PDE1C: variants seen among roughly 807,000 people sequenced by gnomAD.
PDE1C encodes the protein phosphodiesterase 1C.
In PDE1C, 62 loss-of-function variants were observed where a neutral mutation model predicts 93.1. The ratio of observed to expected loss-of-function variants is 0.67; its 90% CI spans 0.54 to 0.82. The LOEUF (loss-of-function observed/expected upper bound fraction) is 0.82. Ranked by LOEUF, PDE1C falls within the 40% of genes least tolerant of loss-of-function variation. PDE1C has a pLI of 0.00. For synonymous variants in PDE1C, 325 were observed against 310.1 expected (o/e 1.05, Z -0.50); for missense variants, 742 against 884.6 (o/e 0.84, Z 2.04).
At chr7:31,652,936 A>G in the PDE1C span, 2 of 1,511,512 alleles carry the variant, frequency 1.3e-6, no homozygotes, top group Middle Eastern at 1.9e-4. Context: ...ACCCATTGTC[A>G]GCTATATCTC....
At chr7:32,240,387 G>C (rs1359648970) in intron 1 of PDE1C, among the ~76,000 whole-genome samples, 1 of 152,216 alleles carries the variant, frequency 6.6e-6, no homozygotes, top group African/African-American at 2.4e-5. Flanking sequence ...AAAATGGTAA[G>C]TCCCAGATTT....
At chr7:31,619,894 A>G in the PDE1C span, among the ~76,000 whole-genome samples, 1 of 152,044 alleles carries the variant, frequency 6.6e-6, no homozygotes, top group Admixed American at 6.5e-5. Context: ...AAATCGGGTC[A>G]CTCCCACCCA....
At chr7:31,694,861 A>G in the PDE1C span, among the ~76,000 whole-genome samples, 1 of 152,170 alleles carries the variant, frequency 6.6e-6, no homozygotes, top group Non-Finnish European at 1.5e-5. Flanking sequence ...GAGGATTGAG[A>G]AAAGTAAATA....
At chr7:31,858,856 A>C (rs1405762334) in intron 7 of PDE1C, among the ~76,000 whole-genome samples, 1 of 152,028 alleles carries the variant, frequency 6.6e-6, no homozygotes, top group Non-Finnish European at 1.5e-5. Flanking sequence ...GAGATGTTAT[A>C]ACCAAAGAAA....
At chr7:32,100,639 A>G (rs1797992651) in intron 3 of PDE1C, among the ~76,000 whole-genome samples, 2 of 152,218 alleles carry the variant, frequency 1.3e-5, no homozygotes, top group Admixed American at 1.3e-4. Flanking sequence ...CACAATAAGA[A>G]TGCCCAATAA....
At chr7:32,275,064 C>T (rs1283792582) in intron 1 of PDE1C, among the ~76,000 whole-genome samples, 1 of 152,104 alleles carries the variant, frequency 6.6e-6, no homozygotes, top group Non-Finnish European at 1.5e-5. Context: ...AATTTAGGTC[C>T]TGATTGGAGA....
chr7:32,074,527 A>T (rs1444396483), upstream of PDE1C, among the ~76,000 whole-genome samples: 1 of 152,228 alleles, frequency 6.6e-6, no homozygotes, highest in African/African-American at 2.4e-5. Context: ...TTCCAAACCC[A>T]GACCAAAAGG....
intron 7 of PDE1C, among the ~76,000 whole-genome samples, chr7:31,860,745 T>G (rs1007423944): frequency 6.6e-6 from 1 of 152,204 alleles, no homozygotes; most frequent in South Asian, 2.1e-4. Flanking sequence ...GTATAACTTT[T>G]GTGTTTAAAA....
At chr7:31,757,554 C>T (rs1006792681) in intron 17 of PDE1C, among the ~76,000 whole-genome samples, 1 of 152,212 alleles carries the variant, frequency 6.6e-6, no homozygotes, top group Non-Finnish European at 1.5e-5. Context: ...AGATTAACTT[C>T]ATCACTGGCC....
At chr7:32,423,323 G>C (rs1785467744) in intron 1 of PDE1C, among the ~76,000 whole-genome samples, 1 of 152,198 alleles carries the variant, frequency 6.6e-6, no homozygotes, top group Non-Finnish European at 1.5e-5. Flanking sequence ...GCTGCAGTAA[G>C]CTGTGACTGC....
intron 3 of PDE1C, among the ~76,000 whole-genome samples, chr7:32,092,152 T>C (rs1797505567): frequency 7.6e-6 from 1 of 130,782 alleles, no homozygotes; most frequent in African/African-American, 2.7e-5. Flanking sequence ...CAAAGATGTT[T>C]CCTTTTGTTC....
chr7:31,916,762 T>G (rs984268588), intron 2 of PDE1C, among the ~76,000 whole-genome samples: 1 of 152,192 alleles, frequency 6.6e-6, no homozygotes, highest in Non-Finnish European at 1.5e-5. Flanking sequence ...TACTAGTTTA[T>G]ATTAAATTAT....
intron 1 of PDE1C, among the ~76,000 whole-genome samples, chr7:32,344,605 T>C (rs1783817089): frequency 6.6e-6 from 1 of 152,174 alleles, no homozygotes; most frequent in Non-Finnish European, 1.5e-5. Flanking sequence ...CCACCTCAGA[T>C]AGCACCTTCT....
At chr7:32,317,561 T>C (rs1783201298) in intron 1 of PDE1C, among the ~76,000 whole-genome samples, 1 of 151,920 alleles carries the variant, frequency 6.6e-6, no homozygotes, top group African/African-American at 2.4e-5. Context: ...ATAAGAGTGA[T>C]AAAAAGACAT....
rs140362011 is a variant in PDE1C at position 31,824,869 on chromosome 7, C to T, written c.1404G>A (p.Ser468=). ...SQTGGTGQRR[S]SLNSISSSDA... ...AGCCCTCAAGCTTCCCCACTGACCTCGAACGCCTCTGTCCTGTCCCACCAG... is the reference window on the plus strand; with the variant it reads ...AGCCCTCAAGCTTCCCCACTGACCTTGAACGCCTCTGTCCTGTCCCACCAG... Residue 468 remains serine (S), a splice_region_variant and synonymous_variant, in exon 13 of 18, where the codon TCG becomes TCA. Transcript: ENST00000396191. 33 of 1,612,636 alleles carry T rather than the reference C, an allele frequency of 2.0e-5. No individual in the cohort carries two copies. Among genetic ancestry groups the T allele is most frequent in the African/African-American group, 6.7e-5 (5 of 74,830 alleles).
At chr7:31,820,860 C>G (rs1287433235) in intron 14 of PDE1C, 1 of 151,976 alleles carries the variant, frequency 6.6e-6, no homozygotes, top group Non-Finnish European at 1.5e-5. Context: ...ACAGCTACTA[C>G]TTAGGTACCA....
At chr7:32,133,019 T>C (rs1202087688) in intron 3 of PDE1C, among the ~76,000 whole-genome samples, 1 of 152,088 alleles carries the variant, frequency 6.6e-6, no homozygotes, top group Non-Finnish European at 1.5e-5. Flanking sequence ...AAATTATAAG[T>C]TCTGGTTTGA....
chr7:32,279,262 A>C (rs1160369776), intron 1 of PDE1C, among the ~76,000 whole-genome samples: 1 of 152,224 alleles, frequency 6.6e-6, no homozygotes, highest in Admixed American at 6.5e-5. Flanking sequence ...AATAACTACC[A>C]CTAGAATATA....
chr7:31,925,477 A>T (rs1563043675), intron 2 of PDE1C, among the ~76,000 whole-genome samples: 1 of 74 alleles, frequency 0.014, no homozygotes, highest in Admixed American at 0.12. Flanking sequence ...AAAACTCTTA[A>T]AAAAAAGAAA....
Sources: allele counts gnomAD v4.1 joint callset (sites outside exome capture counted in the v4.1 genomes callset), GRCh38; gene constraint gnomAD v4.1.1; transcripts MANE v1.5; gene names NCBI Gene and HGNC (gene_info 2026-07-23, HGNC 2026-07-21).